Variants in TAOK3 observed in about 807,000 individuals in gnomAD.
The protein encoded by TAOK3 is TAO kinase 3, also known as serine/threonine-protein kinase TAO3.
Under a neutral mutation model 120.4 loss-of-function variants are expected in TAOK3, and 40 were observed. The observed-to-expected ratio is 0.33, with a 90% CI of 0.26 to 0.43. The LOEUF is 0.43. Ranked by LOEUF, TAOK3 falls within the 20% of genes least tolerant of loss-of-function variation. The pLI is 1.00. For missense variants in TAOK3, 821 were observed against 1,112.1 expected (o/e 0.74, Z 3.72); for synonymous variants, 355 against 387.5 (o/e 0.92, Z 0.99).
intron 19 of TAOK3, among the ~76,000 whole-genome samples, chr12:118,158,297 C>T (rs2034979359): frequency 6.6e-6 from 1 of 152,196 alleles, no homozygotes; most frequent in Admixed American, 6.5e-5. Flanking sequence ...CAGCAGATCT[C>T]ATCCATTCCT....
chr12:118,315,821 T>C (rs972369133), intron 1 of TAOK3, among the ~76,000 whole-genome samples: 3 of 151,492 alleles, frequency 2.0e-5, no homozygotes, highest in African/African-American at 4.9e-5. Context: ...GAGAAAAAAA[T>C]TGGTTAGGGT....
At chr12:118,259,980 A>C (rs1176268114) in intron 2 of TAOK3, among the ~76,000 whole-genome samples, 1 of 152,134 alleles carries the variant, frequency 6.6e-6, no homozygotes, top group Middle Eastern at 3.2e-3. Flanking sequence ...ATAGCTCAAA[A>C]AGGGCTGTGA....
At chr12:118,269,604 C>T (rs1162473526) in intron 1 of TAOK3, among the ~76,000 whole-genome samples, 4 of 151,834 alleles carry the variant, frequency 2.6e-5, no homozygotes, top group African/African-American at 7.3e-5. Flanking sequence ...TCCTGACTTG[C>T]GATGATGCAC....
At chr12:118,245,079 T>A in intron 3 of TAOK3, 114 bp from the exon 4 acceptor site, 1 of 619,538 alleles carries the variant, frequency 1.6e-6, no homozygotes, top group Non-Finnish European at 2.6e-6. Context: ...GACAGTCTCA[T>A]TCTGTCGCTC....
intron 19 of TAOK3, among the ~76,000 whole-genome samples, chr12:118,155,006 T>TA (rs901795351): frequency 1.3e-3 from 126 of 100,388 alleles, no homozygotes; most frequent in African/African-American, 4.5e-3. Flanking sequence ...TATATATATA[T>TA]TTTTTTTTGA....
intron 1 of TAOK3, among the ~76,000 whole-genome samples, chr12:118,304,542 A>C (rs1042157051): frequency 6.6e-6 from 1 of 152,220 alleles, no homozygotes; most frequent in African/African-American, 2.4e-5. Flanking sequence ...TACACTAAGG[A>C]AATCCCTAAA....
chr12:118,356,701 C>T (rs532917348), intron 1 of TAOK3, among the ~76,000 whole-genome samples: 23 of 151,920 alleles, frequency 1.5e-4, no homozygotes, highest in Admixed American at 1.5e-3. Flanking sequence ...TCTCTTGAGG[C>T]CAGGATTTTG....
At chr12:118,350,213 G>A (rs1249725808) in intron 1 of TAOK3, among the ~76,000 whole-genome samples, 1 of 152,126 alleles carries the variant, frequency 6.6e-6, no homozygotes, top group African/African-American at 2.4e-5. Flanking sequence ...CACTTATCCT[G>A]TAGGCACTAA....
chr12:118,309,327 CAAAAAAAAA>C lies in TAOK3; in HGVS notation c.-193-42577_-193-42569del, dbSNP rs771231916. Among the ~76,000 whole-genome samples the C allele has an allele frequency of 4.2e-5, 3 of 71,118 alleles. 1 individual carries two copies. The East Asian group carries it at 1.2e-3, about 29-fold the overall frequency. 46.7% of individuals were successfully genotyped at this position (71,118 alleles called of 152,430 possible). A position where few individuals can be genotyped will look rare whatever the true frequency, so the allele number is the denominator to read the frequency against. On this transcript the variant is annotated intron_variant, in intron 1 of 20. Coordinates refer to ENST00000392533, the MANE Select transcript of TAOK3 (RefSeq NM_016281.4). Reference sequence around the variant, plus strand: ...CTGGGCAACAGAGTGAGACTGTCTCCAAAAAAAAAAAAAAAAAAAGCCAACCTTCTAGGG... The same window carrying C: ...CTGGGCAACAGAGTGAGACTGTCTCCAAAAAAAAAAGCCAACCTTCTAGGG...
chr12:118,151,101 A>G lies in TAOK3; in HGVS notation c.2593T>C (p.Leu865=), dbSNP rs1410034429. Residue 865 remains leucine, a synonymous_variant, in exon 21 of 21, where the codon TTG becomes CTG. Transcript: ENST00000392533. The stretch of plus-strand genomic sequence containing the variant: ...TCAATCTCTCGCTCTTGCCTTTCCA[A>G]TAGGTTCTTTATTCTCTCGCTGCGT... ...KERSERIKNL[L]ERQEREIETF... is the part of the protein sequence containing the mutation. 1 of 1,613,514 alleles carries G rather than the reference A, an allele frequency of 6.2e-7. No homozygotes were observed. Among genetic ancestry groups the G allele is most frequent in the South Asian group, 1.1e-5 (1 of 91,058 alleles).
In TAOK3 at chr12:118,154,575, GATT is replaced by G. The variant is rs533731258; in HGVS notation, c.2353-2169_2353-2167del. Among the ~76,000 whole-genome samples, 285 of 152,198 alleles carry G rather than the reference GATT, an allele frequency of 1.9e-3. 1 individual carries two copies. The highest frequency in any genetic ancestry group is 3.1e-3 in the Non-Finnish European group (210 of 68,012). On this transcript the variant is annotated intron_variant, in intron 19 of 20. Coordinates refer to ENST00000392533, the MANE Select transcript of TAOK3 (RefSeq NM_016281.4). ...CTGCCTCATCCTCCCGAGTAGCTGA[GATT>G]ACAGGTAAGTGCCACCAGGCCCAGC... is the stretch of plus-strand genomic sequence containing the variant.
chr12:118,369,505 TTTGTC>T (rs2045840223), intron 1 of TAOK3, among the ~76,000 whole-genome samples: 1 of 152,172 alleles, frequency 6.6e-6, no homozygotes, highest in Non-Finnish European at 1.5e-5. Flanking sequence ...AATTTAATGT[TTTGTC>T]TTAAGAAACA....
At chr12:118,288,011 C>T (rs2042326712) in intron 1 of TAOK3, among the ~76,000 whole-genome samples, 1 of 151,396 alleles carries the variant, frequency 6.6e-6, no homozygotes. Context: ...AATAAACCTT[C>T]ATACAGCTAA....
chr12:118,331,240 G>C (rs2044133445), intron 1 of TAOK3, among the ~76,000 whole-genome samples: 1 of 152,130 alleles, frequency 6.6e-6, no homozygotes, highest in Non-Finnish European at 1.5e-5. Context: ...ATACAGCATG[G>C]AGTCCCAGAA....
chr12:118,333,905 G>A (rs1386138824), intron 1 of TAOK3, among the ~76,000 whole-genome samples: 1 of 151,734 alleles, frequency 6.6e-6, no homozygotes, highest in Non-Finnish European at 1.5e-5. Flanking sequence ...GGAGGCCGAG[G>A]CGGGCAGACC....
chr12:118,332,975 A>AACACACACACACACACACAC (rs146893418), intron 1 of TAOK3, among the ~76,000 whole-genome samples: 2,421 of 149,710 alleles, frequency 0.016, 83 homozygotes, highest in African/African-American at 0.052. Flanking sequence ...CAACAGTTTC[A>AACACACACACACACACACAC]ACACACACAC....
intron 1 of TAOK3, among the ~76,000 whole-genome samples, chr12:118,360,635 C>T (rs1489293108): frequency 6.6e-6 from 1 of 151,122 alleles, no homozygotes; most frequent in Admixed American, 6.6e-5. Context: ...CTTCTATGTG[C>T]AGGGCACTAT....
intron 13 of TAOK3, among the ~76,000 whole-genome samples, chr12:118,197,706 G>C (rs1280197248): frequency 5.2e-5 from 1 of 19,064 alleles, no homozygotes; most frequent in African/African-American, 1.8e-4. Flanking sequence ...TTTTTTTTTT[G>C]AGACGGAGTC....
At chr12:118,192,757 A>G (rs1227780849) in intron 13 of TAOK3, among the ~76,000 whole-genome samples, 2 of 152,230 alleles carry the variant, frequency 1.3e-5, no homozygotes, top group Non-Finnish European at 2.9e-5. Flanking sequence ...CCTGGCTCCC[A>G]GAGTTTCTGA....
Sources: gnomAD v4.1 joint callset for allele counts (sites outside exome capture counted in the v4.1 genomes callset) on GRCh38, gnomAD v4.1.1 for gene constraint, MANE v1.5 for transcripts, NCBI Gene and HGNC (gene_info 2026-07-23, HGNC 2026-07-21) for gene names.